RDH13: variants seen among roughly 807,000 people sequenced by gnomAD.
The protein encoded by RDH13 is retinol dehydrogenase 13, also known as retinol dehydrogenase 13 (all-trans and 9-cis).
RDH13 carries 35 observed loss-of-function variants against 28.3 expected under a neutral mutation model. The ratio of observed to expected loss-of-function variants is 1.24; its 90% confidence interval spans 0.95 to 1.64. The LOEUF (loss-of-function observed/expected upper bound fraction) is 1.64, where lower values mean the gene tolerates loss of function less well. Ranked by LOEUF, RDH13 falls within the 40% of genes most tolerant of loss-of-function variation. RDH13 has a pLI of 0.00. For synonymous variants in RDH13, 229 were observed against 198.5 expected, an observed-to-expected ratio of 1.15 and a Z score of -1.29; for missense variants, 514 against 446.3, an observed-to-expected ratio of 1.15 and a Z score of -1.37.
intron 3 of RDH13, among the ~76,000 whole-genome samples, chr19:55,050,442 G>C (rs1433091250): frequency 6.6e-6 from 1 of 151,918 alleles, no homozygotes. Context: ...ATATTTCTTT[G>C]AGACAGGGTC....
At chr19:55,068,876 G>C (rs1030486593) in intron 1 of RDH13, 3 of 84,686 alleles carry the variant, frequency 3.5e-5, no homozygotes, top group Non-Finnish European at 4.7e-5. Context: ...AGAATAAAGG[G>C]AGGGAGGGAA....
chr19:55,063,172 G>T (rs1602828578), upstream of RDH13: 1 of 734,086 alleles, frequency 1.4e-6, no homozygotes, highest in Non-Finnish European at 1.9e-6. Flanking sequence ...CCCGCGTCCG[G>T]AACTGGGCTG....
At chr19:55,056,193 G>C (rs1602768103) in intron 3 of RDH13, among the ~76,000 whole-genome samples, 1 of 152,160 alleles carries the variant, frequency 6.6e-6, no homozygotes, top group East Asian at 1.9e-4. Flanking sequence ...GCCGGGCGCA[G>C]TGGCCCACGC....
chr19:55,057,395 C>T (rs2075671007), intron 2 of RDH13, among the ~76,000 whole-genome samples: 1 of 150,858 alleles, frequency 6.6e-6, no homozygotes, highest in Non-Finnish European at 1.5e-5. Context: ...GTAATTCCAG[C>T]ACTTTGGGAG....
At chr19:55,043,494 G>A (rs1293981894), downstream of RDH13, among the ~76,000 whole-genome samples, 5 of 106,526 alleles carry the variant, frequency 4.7e-5, no homozygotes, top group Non-Finnish European at 8.2e-5. Context: ...GATAAGCCTG[G>A]CCAACATGGT....
At chr19:55,045,600 T>G (rs2075197088) in intron 6 of RDH13, among the ~76,000 whole-genome samples, 1 of 152,132 alleles carries the variant, frequency 6.6e-6, no homozygotes, top group Non-Finnish European at 1.5e-5. Flanking sequence ...CCTACCCCAT[T>G]TCTCCTTTAA....
At position 55,063,066 on chromosome 19, in the gene RDH13, T is replaced by TC. The variant is rs749978250; in HGVS notation, c.-35dup. ...GGGGACAGGCGTCAGGCGTCAGGGG[T>TC]CGGCGCGGAGCTTGCTGCACACCAG... On this transcript the variant is annotated 5_prime_UTR_variant, in exon 1 of 7. Transcript: ENST00000415061. The TC allele has an allele frequency of 7.5e-7, 1 of 1,329,888 alleles. No individual in the cohort carries two copies. Among genetic ancestry groups the TC allele is most frequent in the Non-Finnish European group, 9.6e-7 (1 of 1,037,950 alleles). 82.4% of individuals were successfully genotyped at this position (1,329,888 alleles called of 1,614,324 possible). A position where few individuals can be genotyped will look rare whatever the true frequency, so the allele number is the denominator to read the frequency against.
At chr19:55,043,732 CAT>C (rs958079473), downstream of RDH13, among the ~76,000 whole-genome samples, 1 of 152,068 alleles carries the variant, frequency 6.6e-6, no homozygotes, top group Non-Finnish European at 1.5e-5. Context: ...AATATGAAAA[CAT>C]GTTTTCTATC....
In RDH13 at chr19:55,044,688, A is replaced by ACCAAGTGTCAGACAACTTGC. The variant is rs1256450715; in HGVS notation, c.*366_*385dup. 6.0e-5 allele frequency: 14 copies of ACCAAGTGTCAGACAACTTGC among 231,468 alleles called. No individual in the cohort carries two copies. Among genetic ancestry groups the ACCAAGTGTCAGACAACTTGC allele is most frequent in the Middle Eastern group, 1.3e-3 (1 of 752 alleles). 14.3% of individuals were successfully genotyped at this position (231,468 alleles called of 1,614,324 possible). A position where few individuals can be genotyped will look rare whatever the true frequency, so the allele number is the denominator to read the frequency against. On this transcript the variant is annotated 3_prime_UTR_variant, in exon 7 of 7. Transcript: ENST00000415061. Reference sequence around the variant, plus strand: ...AGGTCCCACAGGGACCCAAGAATCCACCAAGTGTCAGACAACTTGCCCATG... The same window carrying ACCAAGTGTCAGACAACTTGC: ...AGGTCCCACAGGGACCCAAGAATCCACCAAGTGTCAGACAACTTGCCCAAGTGTCAGACAACTTGCCCATG...
chr19:55,064,117 A>G (rs1040550671), upstream of RDH13: 4 of 152,170 alleles, frequency 2.6e-5, no homozygotes, highest in Non-Finnish European at 5.9e-5. Flanking sequence ...AGGCAGGAAG[A>G]GCTATTTTAA....
chr19:55,060,276 G>A (rs931953987), intron 1 of RDH13, among the ~76,000 whole-genome samples: 4 of 152,098 alleles, frequency 2.6e-5, no homozygotes, highest in African/African-American at 7.2e-5. Flanking sequence ...GAGAAAAGCC[G>A]CCCTATGGCG....
intron 3 of RDH13, among the ~76,000 whole-genome samples, chr19:55,054,986 G>C (rs1435745083): frequency 2.0e-5 from 3 of 152,076 alleles, no homozygotes; most frequent in Admixed American, 6.6e-5. Context: ...AATAATTTTA[G>C]TGTATTCTTG....
At chr19:55,061,878 G>T (rs1385118576) in intron 1 of RDH13, among the ~76,000 whole-genome samples, 2 of 151,962 alleles carry the variant, frequency 1.3e-5, no homozygotes, top group Non-Finnish European at 2.9e-5. Flanking sequence ...AGCACTTTGG[G>T]AGGCCAAGGT....
chr19:55,054,983 TTA>T (rs1298342087), intron 3 of RDH13, among the ~76,000 whole-genome samples: 3 of 152,114 alleles, frequency 2.0e-5, no homozygotes, highest in Non-Finnish European at 4.4e-5. Context: ...ATAAATAATT[TTA>T]GTGTATTCTT....
upstream of RDH13, among the ~76,000 whole-genome samples, chr19:55,068,132 CCT>C (rs1487367648): frequency 6.7e-6 from 1 of 149,746 alleles, no homozygotes; most frequent in African/African-American, 2.5e-5. Flanking sequence ...TCTCTTTCTT[CCT>C]CTCTTTCTCC....
At chr19:55,049,395 C>T (rs2147007031) in intron 3 of RDH13, among the ~76,000 whole-genome samples, 1 of 152,328 alleles carries the variant, frequency 6.6e-6, no homozygotes, top group Middle Eastern at 3.4e-3. Context: ...ACTGCAGCCT[C>T]AGTTTCCTCA....
At chr19:55,054,304 G>A (rs1164575142) in intron 3 of RDH13, among the ~76,000 whole-genome samples, 2 of 152,156 alleles carry the variant, frequency 1.3e-5, no homozygotes, top group African/African-American at 4.8e-5. Context: ...GACTAGAAAA[G>A]AAACAAAGCA....
At chr19:55,053,168 A>G (rs1210329645) in intron 3 of RDH13, among the ~76,000 whole-genome samples, 5 of 152,160 alleles carry the variant, frequency 3.3e-5, no homozygotes, top group Non-Finnish European at 7.3e-5. Context: ...TCTGTCTCCC[A>G]AAGTGCCGGG....
chr19:55,060,252 C>G (rs965218350), intron 1 of RDH13, among the ~76,000 whole-genome samples: 1 of 151,640 alleles, frequency 6.6e-6, no homozygotes, highest in Non-Finnish European at 1.5e-5. Flanking sequence ...TACATTTGTT[C>G]AATTCTGAGA....
Sources: gnomAD v4.1 joint callset for allele counts (sites outside exome capture counted in the v4.1 genomes callset) on GRCh38, gnomAD v4.1.1 for gene constraint, MANE v1.5 for transcripts, NCBI Gene and HGNC (gene_info 2026-07-23, HGNC 2026-07-21) for gene names.